Variants in RBFOX1 observed in about 807,000 individuals in gnomAD.
RBFOX1 encodes RNA binding protein fox-1 homolog 1.
In RBFOX1, 8 loss-of-function variants were observed where a neutral mutation model predicts 57.7. The observed-to-expected ratio is 0.14, with a 90% confidence interval of 0.08 to 0.25. RBFOX1 has a LOEUF of 0.25. Among genes scored for constraint, RBFOX1 ranks in the 10% least tolerant of loss-of-function variants. RBFOX1 has a pLI of 1.00. For missense variants in RBFOX1, 611 were observed against 548.5 expected (o/e 1.11, Z -1.14); for synonymous variants, 326 against 222.4 (o/e 1.47, Z -4.15).
intron 1 of RBFOX1, among the ~76,000 whole-genome samples, chr16:5,427,189 A>G (rs1597018507): frequency 2.6e-5 from 4 of 152,190 alleles, no homozygotes; most frequent in Admixed American, 2.6e-4. Context: ...GAGAATTAGG[A>G]TTCACCAGAG....
intron 10 of RBFOX1, among the ~76,000 whole-genome samples, chr16:7,612,509 T>C (rs1321621428): frequency 6.6e-6 from 1 of 151,690 alleles, no homozygotes; most frequent in Admixed American, 6.6e-5. Context: ...TTATCTAGTG[T>C]AGTTAAAAAT....
downstream of RBFOX1, among the ~76,000 whole-genome samples, chr16:5,603,051 A>G (rs76168343): frequency 0.037 from 5,674 of 152,012 alleles, 249 homozygotes; most frequent in African/African-American, 0.11. Flanking sequence ...AATGCAGAAC[A>G]CTCCAGGCCA....
intron 1 of RBFOX1, among the ~76,000 whole-genome samples, chr16:5,247,765 G>T (rs577475781): frequency 2.2e-4 from 34 of 152,256 alleles, no homozygotes; most frequent in Middle Eastern, 6.8e-3. Flanking sequence ...AAAATGCTGA[G>T]CCTTGTACCC....
chr16:7,415,730 C>G (rs1039620175), intron 4 of RBFOX1, among the ~76,000 whole-genome samples: 2 of 152,204 alleles, frequency 1.3e-5, no homozygotes, highest in Admixed American at 1.3e-4. Context: ...CATTTCTTCT[C>G]TACCCAGCAA....
At chr16:5,537,347 C>T (rs149921231) in intron 2 of RBFOX1, among the ~76,000 whole-genome samples, 7 of 152,254 alleles carry the variant, frequency 4.6e-5, no homozygotes, top group Admixed American at 2.0e-4. Flanking sequence ...TTCTAGGAAG[C>T]GAAATAGGTA....
intron 12 of RBFOX1, among the ~76,000 whole-genome samples, chr16:7,655,772 G>A (rs1207599824): frequency 1.3e-5 from 2 of 152,112 alleles, no homozygotes; most frequent in Non-Finnish European, 2.9e-5. Context: ...TCTACCATCA[G>A]TATCTCACTA....
In RBFOX1 at chr16:6,019,881, T is replaced by C. The variant is rs2095032652; in HGVS notation, c.-238T>C. 6.5e-7 allele frequency: 1 copy of C among 1,534,702 alleles called. No individual in the cohort carries two copies. Among genetic ancestry groups the C allele is most frequent in the South Asian group, 1.2e-5 (1 of 83,952 alleles). ...CAGTGCGTGAGAAACCAGCACCCCCTTCCGCCGCCTCCAGCTTATGGTGAG... is the reference window on the plus strand; with the variant it reads ...CAGTGCGTGAGAAACCAGCACCCCCCTCCGCCGCCTCCAGCTTATGGTGAG... On this transcript the variant is annotated 5_prime_UTR_variant, in exon 1 of 16. Transcript: ENST00000550418. The surrounding 1 kb of genome is among the most constrained non-coding windows in gnomAD (Gnocchi z 4.2).
At chr16:5,554,635 G>A (rs2342529) in intron 2 of RBFOX1, among the ~76,000 whole-genome samples, 47,240 of 151,952 alleles carry the variant, frequency 0.31, 8,365 homozygotes, top group East Asian at 0.72. Context: ...TCTTGGGGCC[G>A]TGATTCTGCA....
At chr16:6,258,001 C>G (rs2097679031) in intron 1 of RBFOX1, among the ~76,000 whole-genome samples, 1 of 152,192 alleles carries the variant, frequency 6.6e-6, no homozygotes, top group African/African-American at 2.4e-5. Flanking sequence ...AATCGCCACA[C>G]TGCCTTCTAC....
intron 2 of RBFOX1, among the ~76,000 whole-genome samples, chr16:6,604,157 C>G (rs1432428975): frequency 6.6e-6 from 1 of 151,914 alleles, no homozygotes; most frequent in Non-Finnish European, 1.5e-5. Flanking sequence ...CCTTGGCAGT[C>G]CAGCTTTTGA....
At chr16:6,636,071 T>A (rs141343113) in intron 2 of RBFOX1, among the ~76,000 whole-genome samples, 1 of 152,328 alleles carries the variant, frequency 6.6e-6, no homozygotes, top group East Asian at 1.9e-4. Context: ...GTATTTTGAC[T>A]GCAGTCCATC....
chr16:7,464,002 G>T (rs2060036598), intron 4 of RBFOX1, among the ~76,000 whole-genome samples: 1 of 152,314 alleles, frequency 6.6e-6, no homozygotes, highest in Middle Eastern at 3.4e-3. Context: ...GTGAAGCTGA[G>T]ACCCTAGCCA....
chr16:6,520,839 A>G (rs1397125390), intron 2 of RBFOX1, among the ~76,000 whole-genome samples: 1 of 152,166 alleles, frequency 6.6e-6, no homozygotes, highest in Admixed American at 6.5e-5. Flanking sequence ...AACTTCCAAA[A>G]AGGACTTTGA....
At chr16:5,313,255 C>A (rs576263195) in intron 1 of RBFOX1, among the ~76,000 whole-genome samples, 12 of 152,128 alleles carry the variant, frequency 7.9e-5, no homozygotes, top group African/African-American at 2.4e-4. Context: ...CTAATTCCCC[C>A]TCTCCAAAGT....
At chr16:5,958,353 G>C (rs964942260) in intron 4 of RBFOX1, among the ~76,000 whole-genome samples, 13 of 152,182 alleles carry the variant, frequency 8.5e-5, no homozygotes, top group Admixed American at 1.3e-4. Flanking sequence ...GTGGAGATAA[G>C]CCTCCTTGCA....
intron 3 of RBFOX1, among the ~76,000 whole-genome samples, chr16:7,050,677 G>C (rs2049754513): frequency 6.6e-6 from 1 of 152,022 alleles, no homozygotes; most frequent in African/African-American, 2.4e-5. Flanking sequence ...GGTGTCTTTT[G>C]AACATTTTTC....
chr16:5,763,993 C>A (rs980048813), intron 3 of RBFOX1, among the ~76,000 whole-genome samples: 1 of 152,182 alleles, frequency 6.6e-6, no homozygotes, highest in African/African-American at 2.4e-5. Flanking sequence ...ACATGCACCT[C>A]AAGGGCAGGT....
At chr16:7,014,823 C>G (rs1003304989) in intron 3 of RBFOX1, among the ~76,000 whole-genome samples, 2 of 152,126 alleles carry the variant, frequency 1.3e-5, no homozygotes, top group Non-Finnish European at 2.9e-5. Flanking sequence ...CTCCAGGATT[C>G]AAGCACTTCT....
intron 4 of RBFOX1, among the ~76,000 whole-genome samples, chr16:7,364,428 G>T (rs1373141775): frequency 1.1e-4 from 16 of 151,786 alleles, no homozygotes; most frequent in African/African-American, 3.9e-4. Flanking sequence ...ATTTTTTTGT[G>T]CGTGTTTAAC....
Sources: allele counts gnomAD v4.1 joint callset (sites outside exome capture counted in the v4.1 genomes callset), GRCh38; gene constraint gnomAD v4.1.1; non-coding constraint Gnocchi (gnomAD v3.1); transcripts MANE v1.5; gene names NCBI Gene and HGNC (gene_info 2026-07-23, HGNC 2026-07-21).